C4orf51: variants seen among roughly 807,000 people sequenced by gnomAD.
C4orf51 encodes uncharacterized protein C4orf51.
Under a neutral mutation model 25.2 loss-of-function variants are expected in C4orf51, and 25 were observed. The ratio of observed to expected loss-of-function variants is 0.99; its 90% CI spans 0.72 to 1.39. The LOEUF (loss-of-function observed/expected upper bound fraction) is 1.39. Ranked by LOEUF, C4orf51 falls within the 40% of genes most tolerant of loss-of-function variation. The pLI, the probability that C4orf51 is intolerant of heterozygous loss-of-function variation, is 0.00. For missense variants in C4orf51, 252 were observed against 239.6 expected (o/e 1.05, Z -0.34); for synonymous variants, 100 against 84.5 (o/e 1.18, Z -1.01).
intron 1 of C4orf51, among the ~76,000 whole-genome samples, chr4:145,684,582 T>C (rs976891719): frequency 5.3e-5 from 8 of 152,166 alleles, no homozygotes; most frequent in Non-Finnish European, 8.8e-5. Flanking sequence ...GGTGAACCCC[T>C]AAGGTAAACT....
At chr4:145,689,587 A>G (rs72723851) in intron 1 of C4orf51, among the ~76,000 whole-genome samples, 8,622 of 152,226 alleles carry the variant, frequency 0.057, 315 homozygotes, top group South Asian at 0.15. Context: ...GAATCATAAA[A>G]TGCAAATTAA....
At chr4:145,769,465 A>C (rs1735914655) in intron 1 of C4orf51, among the ~76,000 whole-genome samples, 1 of 152,220 alleles carries the variant, frequency 6.6e-6, no homozygotes, top group African/African-American at 2.4e-5. Flanking sequence ...AATTTCAACT[A>C]CCATCTCTAA....
At chr4:145,734,924 T>G (rs547298897), downstream of C4orf51, among the ~76,000 whole-genome samples, 1 of 152,246 alleles carries the variant, frequency 6.6e-6, no homozygotes, top group African/African-American at 2.4e-5. Flanking sequence ...GATCGTCAAC[T>G]TTTCTCCTTA....
At chr4:145,743,722 T>C (rs773443330) in intron 1 of C4orf51, among the ~76,000 whole-genome samples, 3 of 152,224 alleles carry the variant, frequency 2.0e-5, no homozygotes, top group Non-Finnish European at 4.4e-5. Context: ...TTCAGTCTCC[T>C]TGACAGGGAT....
intron 2 of C4orf51, among the ~76,000 whole-genome samples, chr4:145,713,742 G>T (rs1731255016): frequency 6.6e-6 from 1 of 152,078 alleles, no homozygotes; most frequent in South Asian, 2.1e-4. Flanking sequence ...AACTTTGAAA[G>T]TATTTTTAAA....
intron 3 of C4orf51, among the ~76,000 whole-genome samples, chr4:145,728,541 A>G (rs1732242706): frequency 6.6e-6 from 1 of 152,216 alleles, no homozygotes; most frequent in Non-Finnish European, 1.5e-5. Context: ...CCTAAAGGAA[A>G]TATAAGGTTA....
At chr4:145,779,631 T>C in the C4orf51 span, 9 of 1,330,186 alleles carry the variant, frequency 6.8e-6, no homozygotes, top group South Asian at 1.5e-5. Flanking sequence ...TAATTGCAAA[T>C]GAGTCTCCGT....
At chr4:145,737,213 A>G (rs1164737273), downstream of C4orf51, among the ~76,000 whole-genome samples, 1 of 152,228 alleles carries the variant, frequency 6.6e-6, no homozygotes, top group Non-Finnish European at 1.5e-5. Context: ...GAAATATCTT[A>G]CTAGATTCAG....
At chr4:145,752,282 TCA>T (rs1277520616) in intron 1 of C4orf51, among the ~76,000 whole-genome samples, 5 of 152,180 alleles carry the variant, frequency 3.3e-5, no homozygotes, top group Admixed American at 2.6e-4. Context: ...CCAGCAAATC[TCA>T]GTCTCACCCA....
At chr4:145,767,467 A>C (rs1379115461) in intron 1 of C4orf51, among the ~76,000 whole-genome samples, 1 of 152,126 alleles carries the variant, frequency 6.6e-6, no homozygotes. Context: ...AATGGCCAAA[A>C]ATTTTCCAAA....
intron 2 of C4orf51, among the ~76,000 whole-genome samples, chr4:145,719,464 G>T (rs998388568): frequency 2.0e-5 from 3 of 151,904 alleles, no homozygotes; most frequent in African/African-American, 7.3e-5. Flanking sequence ...AATTAGCCAG[G>T]CGTGGTTGCG....
chr4:145,729,979 T>C lies in C4orf51; in HGVS notation c.501+14T>C. The C allele has an allele frequency of 6.2e-7, 1 of 1,611,978 alleles. No homozygotes were observed. Among genetic ancestry groups the C allele is most frequent in the African/African-American group, 1.3e-5 (1 of 75,012 alleles). On this transcript the variant is annotated intron_variant, in intron 5 of 5. Transcript: ENST00000438731. ...GTCCTAAAGCATGTAAGAATCTTTTTACTTGCCATGCAACAGTGGATCTGT... is the reference window on the plus strand; with the variant it reads ...GTCCTAAAGCATGTAAGAATCTTTTCACTTGCCATGCAACAGTGGATCTGT...
At chr4:145,712,098 TTGAC>T in intron 2 of C4orf51, among the ~76,000 whole-genome samples, 1 of 152,318 alleles carries the variant, frequency 6.6e-6, no homozygotes, top group South Asian at 2.1e-4. Context: ...TTGATAAACT[TTGAC>T]TGTTTTGCCA....
At chr4:145,697,789 G>A (rs1422864047) in intron 2 of C4orf51, among the ~76,000 whole-genome samples, 1 of 152,172 alleles carries the variant, frequency 6.6e-6, no homozygotes, top group African/African-American at 2.4e-5. Context: ...TCTAGATCTT[G>A]ACTCTTGTGA....
rs532222101 is a variant in C4orf51 at position 145,729,465 on chromosome 4, C to A, written c.427+236C>A. On this transcript the variant is annotated intron_variant, in intron 4 of 5. Coordinates refer to ENST00000438731, the MANE Select transcript of C4orf51 (RefSeq NM_001080531.3). ...TACCGGCGCCCGCCACCACACCCGG[C>A]TAATTTTTTGTATTTTTAGTAGAGA... 2.4e-3 allele frequency among the ~76,000 whole-genome samples: 359 copies of A among 151,762 alleles called. 3 individuals carry two copies. The highest frequency in any genetic ancestry group is 8.3e-3 in the African/African-American group (340 of 41,150).
At chr4:145,706,939 G>A (rs1023870771) in intron 2 of C4orf51, among the ~76,000 whole-genome samples, 5 of 151,562 alleles carry the variant, frequency 3.3e-5, no homozygotes, top group African/African-American at 9.7e-5. Flanking sequence ...AGCCTCTTGA[G>A]TAGCTGGGAT....
chr4:145,700,317 C>T (rs114414041), intron 2 of C4orf51, among the ~76,000 whole-genome samples: 18,703 of 150,998 alleles, frequency 0.12, 1,291 homozygotes, highest in South Asian at 0.19. Context: ...GGGTAAGAAC[C>T]CCCAAATCCC....
chr4:145,690,512 A>C (rs1729483649), intron 1 of C4orf51, among the ~76,000 whole-genome samples: 1 of 151,930 alleles, frequency 6.6e-6, no homozygotes, highest in Non-Finnish European at 1.5e-5. Flanking sequence ...TCAAAATAAT[A>C]ATAATAATAA....
rs745698288 is a variant in C4orf51 at position 145,732,483 on chromosome 4, GTTTGCT to G, written c.533_538del (p.Val178_Ser180delinsAla). Reference sequence around the variant, plus strand: ...TGGACGGTGCGATTCTGAAAGCAAGGTTTGCTCATCTGAGGATTCAGAAGCTGATCG... The same window carrying G: ...TGGACGGTGCGATTCTGAAAGCAAGGCATCTGAGGATTCAGAAGCTGATCG... On this transcript the variant is annotated inframe_deletion, in exon 6 of 6. Transcript: ENST00000438731. 4.3e-6 allele frequency: 7 copies of G among 1,611,004 alleles called. No homozygotes were observed. In the African/African-American group the frequency reaches 9.3e-5, roughly 22 times the overall value.
Sources: allele counts gnomAD v4.1 joint callset (sites outside exome capture counted in the v4.1 genomes callset), GRCh38; gene constraint gnomAD v4.1.1; transcripts MANE v1.5; gene names NCBI Gene and HGNC (gene_info 2026-07-23, HGNC 2026-07-21).